Variants in SYCP1 observed in about 807,000 individuals in gnomAD.
The protein encoded by SYCP1 is synaptonemal complex protein 1.
A neutral mutation model predicts 153.1 loss-of-function variants in SYCP1; 64 were observed. The observed-to-expected ratio is 0.42, with a 90% CI of 0.34 to 0.51. SYCP1 has a LOEUF of 0.51. Among genes scored for constraint, SYCP1 ranks in the 20% least tolerant of loss-of-function variants. The pLI is 0.06. For missense variants in SYCP1, 997 were observed against 1,049.0 expected (o/e 0.95, Z 0.68); for synonymous variants, 384 against 341.8 (o/e 1.12, Z -1.36).
At chr1:114,987,839 C>G (rs4839017) in intron 30 of SYCP1, among the ~76,000 whole-genome samples, 58,476 of 151,056 alleles carry the variant, frequency 0.39, 12,495 homozygotes, top group East Asian at 0.5. Flanking sequence ...TAAAGTAGCT[C>G]AAATTGCTAA....
chr1:114,921,950 AAAT>A, intron 20 of SYCP1, among the ~76,000 whole-genome samples: 1 of 152,164 alleles, frequency 6.6e-6, no homozygotes, highest in Admixed American at 6.5e-5. Flanking sequence ...TCAGCACTTT[AAAT>A]ATGTCATGAC....
intron 23 of SYCP1, among the ~76,000 whole-genome samples, chr1:114,943,282 G>C (rs2101814869): frequency 6.6e-6 from 1 of 152,028 alleles, no homozygotes; most frequent in Middle Eastern, 3.4e-3. Context: ...TTTGCACCAG[G>C]AGGTGTTTAC....
chr1:114,895,314 T>A (rs766758469), intron 15 of SYCP1, 134 bp from the exon 16 acceptor site: 7 of 439,156 alleles, frequency 1.6e-5, no homozygotes, highest in Non-Finnish European at 2.5e-5. Context: ...ACTCCCTCTA[T>A]GCTTTACATT....
chr1:114,913,486 G>A (rs972281166), intron 19 of SYCP1, among the ~76,000 whole-genome samples: 10 of 151,930 alleles, frequency 6.6e-5, no homozygotes, highest in Non-Finnish European at 1.3e-4. Context: ...TTCTCTTTAA[G>A]AACTTATGAC....
intron 27 of SYCP1, among the ~76,000 whole-genome samples, chr1:114,963,770 T>C (rs1462803777): frequency 6.6e-6 from 1 of 152,232 alleles, no homozygotes; most frequent in Non-Finnish European, 1.5e-5. Flanking sequence ...ATCCAGTCTA[T>C]CATTGATGGG....
rs532386607 is a variant in SYCP1 at position 114,926,526 on chromosome 1, C to T, written c.1889C>T (p.Thr630Ile). 4.4e-6 allele frequency: 7 copies of T among 1,585,564 alleles called. No individual in the cohort carries two copies. Among genetic ancestry groups the T allele is most frequent in the Middle Eastern group, 1.7e-4 (1 of 5,912 alleles). ...AATAAGGCCTTGAAAAAAAAAGGTA[C>T]AGCAGAAAGCAAGCAACTGAATGTT... ...QENKALKKKG[T>I]AESKQLNVYE... is the part of the protein sequence containing the mutation. The change falls in exon 23 of 32, where the codon ACA becomes ATA. Residue 630 changes from threonine to isoleucine, a missense_variant. By Grantham distance (89) the Thr-to-Ile change is moderately conservative (BLOSUM62 -1). Around this residue, in one of 2 missense-constraint regions of SYCP1, gnomAD observed 712 missense variants for 682.9 expected, o/e 1.04. Coordinates refer to ENST00000369522, the MANE Select transcript of SYCP1 (RefSeq NM_003176.4).
At chr1:114,969,148 G>A (rs1360267278) in intron 27 of SYCP1, among the ~76,000 whole-genome samples, 1 of 152,198 alleles carries the variant, frequency 6.6e-6, no homozygotes, top group Non-Finnish European at 1.5e-5. Flanking sequence ...CAAACAGGAG[G>A]CACGTGGGTC....
chr1:114,936,903 G>A (rs899187237), intron 23 of SYCP1, among the ~76,000 whole-genome samples: 2 of 152,116 alleles, frequency 1.3e-5, no homozygotes, highest in African/African-American at 4.8e-5. Flanking sequence ...AGAGGACACA[G>A]CAAATGGAAG....
At position 114,876,793 on chromosome 1, in the gene SYCP1, A is replaced by G; in HGVS notation, c.784A>G (p.Asn262Asp). ...TGAACAAGAATACAAGAAGGAAATA[A>G]ATGACAAGGAAAAGCAGGTTTTTTA... Reference protein sequence around the residue: ...HLEQEYKKEINDKEKQVSLLL... With the variant: ...HLEQEYKKEIDDKEKQVSLLL... The change falls in exon 11 of 32, where the codon AAT (asparagine) becomes GAT (aspartate). Residue 262 changes from asparagine (N) to aspartate (D), a missense_variant. Around this residue, in one of 2 missense-constraint regions of SYCP1, gnomAD observed 285 missense variants for 366.1 expected, o/e 0.78. Coordinates refer to ENST00000369522, the MANE Select transcript of SYCP1 (RefSeq NM_003176.4). The G allele has an allele frequency of 7.2e-7, 1 of 1,398,282 alleles. No homozygotes were observed. The allele number at this position is 1,398,282 out of a possible 1,614,324, so 86.6% of individuals were successfully genotyped here.
At chr1:114,935,349 T>C (rs1669925677) in intron 23 of SYCP1, among the ~76,000 whole-genome samples, 1 of 152,184 alleles carries the variant, frequency 6.6e-6, no homozygotes, top group Non-Finnish European at 1.5e-5. Flanking sequence ...ATATGTTCTT[T>C]GAAACCAATG....
At chr1:114,890,628 G>A (rs1570710444) in intron 15 of SYCP1, among the ~76,000 whole-genome samples, 1 of 152,210 alleles carries the variant, frequency 6.6e-6, no homozygotes, top group Admixed American at 6.5e-5. Context: ...GAGGATGAAG[G>A]AGTGTACAAA....
chr1:114,892,718 A>G (rs1666803758), intron 15 of SYCP1, among the ~76,000 whole-genome samples: 1 of 152,126 alleles, frequency 6.6e-6, no homozygotes, highest in Non-Finnish European at 1.5e-5. Context: ...GATGTGCTGC[A>G]GTCCTGCTGT....
At chr1:114,924,978 A>G (rs1467393694) in intron 21 of SYCP1, among the ~76,000 whole-genome samples, 1 of 152,142 alleles carries the variant, frequency 6.6e-6, no homozygotes, top group Non-Finnish European at 1.5e-5. Flanking sequence ...GGTGCATTCT[A>G]GGTTCTTTCT....
chr1:114,887,643 A>T lies in SYCP1; in HGVS notation c.1208A>T (p.Asp403Val), dbSNP rs747890754. The T allele has an allele frequency of 9.0e-6, 14 of 1,563,340 alleles. No homozygotes were observed. Among genetic ancestry groups the T allele is most frequent in the African/African-American group, 1.4e-5 (1 of 73,500 alleles). Residue 403 changes from aspartate (D) to valine (V), a missense_variant, in exon 15 of 32, where the codon GAT becomes GTT. Around this residue, in one of 2 missense-constraint regions of SYCP1, gnomAD observed 712 missense variants for 682.9 expected, o/e 1.04. Coordinates refer to ENST00000369522, the MANE Select transcript of SYCP1 (RefSeq NM_003176.4). ...TEQQRLEKNE[D>V]QLKILTMELQ... ...TTTACAAGATTGGAAAAAAATGAAG[A>T]TCAATTGAAAATACTTACCATGGAG...
intron 8 of SYCP1, among the ~76,000 whole-genome samples, chr1:114,861,303 A>T (rs1444240764): frequency 6.6e-6 from 1 of 152,180 alleles, no homozygotes; most frequent in African/African-American, 2.4e-5. Context: ...ACAGTTTAAA[A>T]ATTTTAAAGC....
chr1:114,924,447 G>C (rs1669120212), intron 21 of SYCP1, among the ~76,000 whole-genome samples: 1 of 152,048 alleles, frequency 6.6e-6, no homozygotes, highest in African/African-American at 2.4e-5. Context: ...CCAAACATAG[G>C]TTCTCTATCT....
chr1:114,975,994 A>C (rs1158724487), intron 27 of SYCP1, among the ~76,000 whole-genome samples: 2 of 151,812 alleles, frequency 1.3e-5, no homozygotes, highest in Non-Finnish European at 1.5e-5. Context: ...CTCACCATGA[A>C]GTAGACTCTG....
intron 20 of SYCP1, among the ~76,000 whole-genome samples, chr1:114,918,052 C>T (rs1055854811): frequency 1.3e-5 from 2 of 151,816 alleles, no homozygotes; most frequent in Admixed American, 1.3e-4. Flanking sequence ...CTCAAGAAAT[C>T]TTTGCCCAGT....
intron 30 of SYCP1, among the ~76,000 whole-genome samples, chr1:114,992,889 A>G (rs561774054): frequency 1.3e-5 from 2 of 151,576 alleles, no homozygotes; most frequent in Non-Finnish European, 3.0e-5. Context: ...TATATATGAC[A>G]AGGGATTGAT....
Sources: gnomAD v4.1 joint callset for allele counts (sites outside exome capture counted in the v4.1 genomes callset) on GRCh38, gnomAD v4.1.1 for gene constraint, gnomAD v4.1.1 regional missense constraint, MANE v1.5 for transcripts, NCBI Gene and HGNC (gene_info 2026-07-23, HGNC 2026-07-21) for gene names.